The following MAN2A1 variants were observed in gnomAD, a reference collection of about 807,000 sequenced individuals.
The protein encoded by MAN2A1 is mannosidase alpha class 2A member 1.
Under a neutral mutation model 142.6 loss-of-function variants are expected in MAN2A1, and 76 were observed. The observed-to-expected ratio is 0.53, with a 90% CI of 0.44 to 0.65. The LOEUF (loss-of-function observed/expected upper bound fraction) is 0.65, where lower values mean the gene tolerates loss of function less well. Ranked by LOEUF, MAN2A1 falls within the 30% of genes least tolerant of loss-of-function variation. The pLI, the probability that MAN2A1 is intolerant of heterozygous loss-of-function variation, is 0.00. For missense variants in MAN2A1, 1,311 were observed against 1,365.1 expected (o/e 0.96, Z 0.62); for synonymous variants, 559 against 473.2 (o/e 1.18, Z -2.35).
chr5:109,706,192 A>C (rs752413977), intron 1 of MAN2A1, among the ~76,000 whole-genome samples: 3 of 152,194 alleles, frequency 2.0e-5, no homozygotes, highest in Non-Finnish European at 4.4e-5. Context: ...AAACTGCAGC[A>C]CAGAGAAGTT....
At chr5:109,851,554 A>G (rs1755482348) in intron 19 of MAN2A1, among the ~76,000 whole-genome samples, 1 of 152,202 alleles carries the variant, frequency 6.6e-6, no homozygotes, top group South Asian at 2.1e-4. Context: ...ATGCAGCAAG[A>G]AGGCCCTCAC....
At chr5:109,789,888 T>C (rs950794951) in intron 12 of MAN2A1, among the ~76,000 whole-genome samples, 2 of 151,868 alleles carry the variant, frequency 1.3e-5, no homozygotes, top group Non-Finnish European at 2.9e-5. Context: ...TGATCCTATT[T>C]TTATATGAAA....
At chr5:109,832,523 G>T (rs2112743786) in intron 16 of MAN2A1, among the ~76,000 whole-genome samples, 1 of 152,312 alleles carries the variant, frequency 6.6e-6, no homozygotes. Context: ...TCCCAAGGCA[G>T]AAGAATTTTT....
chr5:109,690,370 T>C lies in MAN2A1; in HGVS notation c.-48T>C. ...GCTTCCTAGAGTCCACAGTGCGCTG[T>C]CTCCTTTGGCTGAGGAGAGTGTCCT... On this transcript the variant is annotated 5_prime_UTR_variant, in exon 1 of 22. Coordinates refer to ENST00000261483, the MANE Select transcript of MAN2A1 (RefSeq NM_002372.4). 6.2e-7 allele frequency: 1 copy of C among 1,610,328 alleles called. No homozygotes were observed. Among genetic ancestry groups the C allele is most frequent in the South Asian group, 1.1e-5 (1 of 90,992 alleles).
At chr5:109,861,844 C>A (rs1202586840) in intron 20 of MAN2A1, among the ~76,000 whole-genome samples, 1 of 152,122 alleles carries the variant, frequency 6.6e-6, no homozygotes, top group Non-Finnish European at 1.5e-5. Context: ...AATAGGACAC[C>A]TACAGAGGAT....
At chr5:109,723,081 A>G (rs1751649477) in intron 3 of MAN2A1, among the ~76,000 whole-genome samples, 2 of 152,268 alleles carry the variant, frequency 1.3e-5, no homozygotes, top group Admixed American at 6.5e-5. Flanking sequence ...TTAGAAAAGC[A>G]ATATAATAAG....
chr5:109,741,788 G>A (rs1287305521), intron 4 of MAN2A1, among the ~76,000 whole-genome samples: 2 of 152,160 alleles, frequency 1.3e-5, no homozygotes, highest in African/African-American at 2.4e-5. Flanking sequence ...ACTAAAGAGA[G>A]ATCTACGTAA....
At chr5:109,781,056 C>G (rs1753442397) in intron 8 of MAN2A1, among the ~76,000 whole-genome samples, 1 of 152,128 alleles carries the variant, frequency 6.6e-6, no homozygotes, top group South Asian at 2.1e-4. Flanking sequence ...CCTCATCTTT[C>G]ATTTATGTGG....
At chr5:109,756,342 A>G (rs1697752970) in intron 5 of MAN2A1, among the ~76,000 whole-genome samples, 1 of 152,210 alleles carries the variant, frequency 6.6e-6, no homozygotes, top group Admixed American at 6.5e-5. Context: ...ATTTTGTAAC[A>G]TGGTATGTAA....
chr5:109,827,226 A>G (rs531122105), intron 16 of MAN2A1, among the ~76,000 whole-genome samples: 4 of 152,368 alleles, frequency 2.6e-5, no homozygotes, highest in South Asian at 2.1e-4. Context: ...CCAGTTAATT[A>G]TACAAAAGAT....
chr5:109,690,588 G>C, intron 1 of MAN2A1, 36 bp downstream of exon 1: 1 of 1,555,650 alleles, frequency 6.4e-7, no homozygotes, highest in Non-Finnish European at 8.7e-7. Context: ...GGCTCCGAGG[G>C]GCCAGGCGTG....
intron 16 of MAN2A1, among the ~76,000 whole-genome samples, chr5:109,839,463 A>G (rs1755142645): frequency 6.6e-6 from 1 of 151,732 alleles, no homozygotes; most frequent in Admixed American, 6.6e-5. Flanking sequence ...CAGGAAATGT[A>G]CATGTGTAGG....
chr5:109,758,293 TC>T (rs1752743647), intron 5 of MAN2A1, among the ~76,000 whole-genome samples: 1 of 152,142 alleles, frequency 6.6e-6, no homozygotes, highest in African/African-American at 2.4e-5. Flanking sequence ...AAGAATCTTT[TC>T]ATGTGTATAT....
intron 1 of MAN2A1, among the ~76,000 whole-genome samples, chr5:109,703,595 T>C (rs2112548312): frequency 6.6e-6 from 1 of 152,086 alleles, no homozygotes; most frequent in South Asian, 2.1e-4. Context: ...AAAGTCGGTG[T>C]GGTTTTTAAA....
At chr5:109,769,352 C>G (rs116002037) in intron 6 of MAN2A1, among the ~76,000 whole-genome samples, 167 of 152,218 alleles carry the variant, frequency 1.1e-3, no homozygotes, top group African/African-American at 3.4e-3. Flanking sequence ...AAAATGTTTT[C>G]GAATTAAGTT....
intron 20 of MAN2A1, among the ~76,000 whole-genome samples, chr5:109,857,284 G>T (rs1213542969): frequency 2.0e-5 from 3 of 152,228 alleles, no homozygotes; most frequent in Non-Finnish European, 4.4e-5. Flanking sequence ...TTGAATCAGT[G>T]AATTGTGTAG....
At chr5:109,719,370 C>T (rs1316219884) in intron 3 of MAN2A1, among the ~76,000 whole-genome samples, 1 of 152,134 alleles carries the variant, frequency 6.6e-6, no homozygotes, top group East Asian at 1.9e-4. Flanking sequence ...TATTCCTTAA[C>T]TTAACAAAAG....
chr5:109,743,192 C>G (rs1202361697), intron 4 of MAN2A1, among the ~76,000 whole-genome samples: 2 of 152,132 alleles, frequency 1.3e-5, no homozygotes, highest in Non-Finnish European at 2.9e-5. Flanking sequence ...CTCTGATTTC[C>G]TCTTCTGCTT....
At chr5:109,720,998 C>T (rs910895611) in intron 3 of MAN2A1, among the ~76,000 whole-genome samples, 4 of 152,166 alleles carry the variant, frequency 2.6e-5, no homozygotes, top group Non-Finnish European at 2.9e-5. Context: ...AAATCGTATG[C>T]GGAACAACTG....
Sources: gnomAD v4.1 joint callset for allele counts (sites outside exome capture counted in the v4.1 genomes callset) on GRCh38, gnomAD v4.1.1 for gene constraint, MANE v1.5 for transcripts, NCBI Gene and HGNC (gene_info 2026-07-23, HGNC 2026-07-21) for gene names.